Variants in FMN2 observed in about 807,000 individuals in gnomAD.
The protein encoded by FMN2 is formin 2.
A neutral mutation model predicts 142.3 loss-of-function variants in FMN2; 51 were observed. That is an observed-to-expected ratio of 0.36 (90% CI 0.29 to 0.45). The LOEUF (loss-of-function observed/expected upper bound fraction) is 0.45. Ranked by LOEUF, FMN2 falls within the 20% of genes least tolerant of loss-of-function variation. The probability of loss-of-function intolerance (pLI) is 1.00; values close to 1 mark genes in which losing one functional copy is unlikely to be tolerated. For missense variants in FMN2, 1,936 were observed against 2,122.8 expected (o/e 0.91, Z 1.73); for synonymous variants, 882 against 869.8 (o/e 1.01, Z -0.25).
chr1:240,208,514 G>A lies in FMN2; in HGVS notation c.3702G>A (p.Pro1234=), dbSNP rs769484799. The change falls in exon 5 of 18, where the codon CCG becomes CCA. Residue 1234 remains proline, a synonymous_variant. Transcript: ENST00000319653. ...CTCCACCTGGGACAGGAATCCCACCGCCCCCTCTGCTTCCTGTATCAGGCC... is the reference window on the plus strand; with the variant it reads ...CTCCACCTGGGACAGGAATCCCACCACCCCCTCTGCTTCCTGTATCAGGCC... ...PLPPPGTGIP[P]PPLLPVSGPP... is the part of the protein sequence containing the mutation. 8 of 1,610,624 alleles carry A rather than the reference G, an allele frequency of 5.0e-6. No homozygotes were observed. The highest frequency in any genetic ancestry group is 3.3e-5 in the Admixed American group (2 of 59,714).
At chr1:240,345,411 A>G (rs1671874480) in intron 13 of FMN2, among the ~76,000 whole-genome samples, 2 of 152,172 alleles carry the variant, frequency 1.3e-5, no homozygotes, top group South Asian at 4.1e-4. Context: ...ACGCTTTTAC[A>G]CTGATGATAG....
chr1:240,175,880 G>A (rs1304858790), intron 2 of FMN2, among the ~76,000 whole-genome samples: 1 of 152,014 alleles, frequency 6.6e-6, no homozygotes. Context: ...CAAGTCCTTT[G>A]CCCATTTTAA....
In FMN2 at chr1:240,146,957, C is replaced by T. The variant is rs1571983458; in HGVS notation, c.1782+23612C>T. ...AAGAACTAATGGTGGATGATGTTCT[C>T]CTCAGGGTAAGGTGGAAGACGGGGC... On this transcript the variant is annotated intron_variant, in intron 2 of 17. Coordinates refer to ENST00000319653, the MANE Select transcript of FMN2 (RefSeq NM_020066.5). Among the ~76,000 whole-genome samples, 4 of 151,962 alleles carry T rather than the reference C, an allele frequency of 2.6e-5. No individual in the cohort carries two copies. In the South Asian group the frequency reaches 8.3e-4, roughly 32 times the overall value.
At chr1:240,208,960 G>T (rs1666567352) in intron 5 of FMN2, among the ~76,000 whole-genome samples, 1 of 152,092 alleles carries the variant, frequency 6.6e-6, no homozygotes, top group African/African-American at 2.4e-5. Flanking sequence ...CAATGTATAA[G>T]ATGTAGGTAT....
intron 15 of FMN2, among the ~76,000 whole-genome samples, chr1:240,404,304 T>C (rs1231029450): frequency 3.3e-5 from 5 of 152,202 alleles, no homozygotes; most frequent in Non-Finnish European, 4.4e-5. Context: ...AAAAGTGAAA[T>C]GTTTAGTTCA....
At chr1:240,199,166 C>T (rs1313897572) in intron 4 of FMN2, among the ~76,000 whole-genome samples, 2 of 152,156 alleles carry the variant, frequency 1.3e-5, no homozygotes, top group South Asian at 2.1e-4. Flanking sequence ...CTGTGAAGAA[C>T]AGAATTCCTA....
intron 1 of FMN2, among the ~76,000 whole-genome samples, chr1:240,114,911 C>T (rs1471002878): frequency 6.6e-6 from 1 of 152,130 alleles, no homozygotes; most frequent in Non-Finnish European, 1.5e-5. Context: ...CCACCTCGGC[C>T]TCCCAAAGTG....
chr1:240,174,833 A>G (rs12092459), intron 2 of FMN2, among the ~76,000 whole-genome samples: 1 of 152,132 alleles, frequency 6.6e-6, no homozygotes, highest in South Asian at 2.1e-4. Context: ...ACTGTTGCAA[A>G]ATACACAGAA....
intron 2 of FMN2, among the ~76,000 whole-genome samples, chr1:240,163,208 A>C (rs1316411456): frequency 1.3e-5 from 2 of 152,094 alleles, no homozygotes; most frequent in Non-Finnish European, 2.9e-5. Flanking sequence ...TTTTAGGTTA[A>C]ATGTTTTGCT....
chr1:240,247,581 A>T (rs771652949), intron 6 of FMN2, among the ~76,000 whole-genome samples: 1 of 152,182 alleles, frequency 6.6e-6, no homozygotes, highest in Non-Finnish European at 1.5e-5. Flanking sequence ...ACCCTTAAAC[A>T]TGAGCCAATT....
At chr1:240,340,280 G>A (rs1163943635) in intron 13 of FMN2, among the ~76,000 whole-genome samples, 2 of 151,986 alleles carry the variant, frequency 1.3e-5, no homozygotes, top group African/African-American at 2.4e-5. Flanking sequence ...GAGTGAATGG[G>A]TGTTAAACTC....
intron 14 of FMN2, among the ~76,000 whole-genome samples, chr1:240,367,288 T>C (rs1672704754): frequency 6.6e-6 from 1 of 152,178 alleles, no homozygotes; most frequent in African/African-American, 2.4e-5. Context: ...ACTTATTGAG[T>C]TATTAGGACA....
intron 2 of FMN2, among the ~76,000 whole-genome samples, chr1:240,164,490 C>T (rs1029776924): frequency 3.9e-5 from 6 of 152,096 alleles, no homozygotes; most frequent in African/African-American, 1.4e-4. Flanking sequence ...TATTTTCTTT[C>T]AGCCTAAAGA....
At chr1:240,441,156 G>A (rs534807568) in intron 16 of FMN2, among the ~76,000 whole-genome samples, 6 of 151,946 alleles carry the variant, frequency 3.9e-5, no homozygotes, top group South Asian at 2.1e-4. Flanking sequence ...CTCCATGCCC[G>A]GCTAATTTTT....
At chr1:240,472,086 AGGAT>A in intron 16 of FMN2, 1 of 277,672 alleles carries the variant, frequency 3.6e-6, no homozygotes, top group Non-Finnish European at 6.6e-6. Flanking sequence ...CCTTTTATAT[AGGAT>A]GAAATGCATA....
At chr1:240,336,126 A>G (rs551851965) in intron 13 of FMN2, among the ~76,000 whole-genome samples, 1 of 152,284 alleles carries the variant, frequency 6.6e-6, no homozygotes, top group African/African-American at 2.4e-5. Flanking sequence ...CTGAGCAACA[A>G]GAGCGAAACT....
intron 15 of FMN2, among the ~76,000 whole-genome samples, chr1:240,433,356 G>A (rs1675240666): frequency 6.6e-6 from 1 of 152,204 alleles, no homozygotes; most frequent in Admixed American, 6.5e-5. Flanking sequence ...TTACTGAAAT[G>A]TTAGGAGAAA....
intron 14 of FMN2, among the ~76,000 whole-genome samples, chr1:240,358,460 C>G (rs1445972780): frequency 6.6e-6 from 1 of 152,098 alleles, no homozygotes; most frequent in Non-Finnish European, 1.5e-5. Flanking sequence ...GTTTCCTGTT[C>G]TAGTCCATTT....
Position 240,093,576 on chromosome 1 carries a change from A to C in FMN2, c.1467A>C (p.Leu489=). 6.9e-7 allele frequency: 1 copy of C among 1,457,992 alleles called. No homozygotes were observed. The highest frequency in any genetic ancestry group is 9.0e-7 in the Non-Finnish European group (1 of 1,115,128). The allele number at this position is 1,457,992 out of a possible 1,614,324, so 90.3% of individuals were successfully genotyped here. The change falls in exon 1 of 18, where the codon CTA becomes CTC. Residue 489 remains leucine (L), a synonymous_variant. Transcript: ENST00000319653. ...LSRSADWTEE[L]GARTPRVGGS... is the part of the protein sequence containing the mutation. Reference sequence around the variant, plus strand: ...GCTCGGCTGACTGGACGGAGGAGCTAGGCGCCCGCACGCCCCGGGTGGGAG... The same window carrying C: ...GCTCGGCTGACTGGACGGAGGAGCTCGGCGCCCGCACGCCCCGGGTGGGAG...
Sources: allele counts gnomAD v4.1 joint callset (sites outside exome capture counted in the v4.1 genomes callset), GRCh38; gene constraint gnomAD v4.1.1; transcripts MANE v1.5; gene names NCBI Gene and HGNC (gene_info 2026-07-23, HGNC 2026-07-21).